The following KCNH7 variants were observed in gnomAD, a reference collection of about 807,000 sequenced individuals.
KCNH7 encodes the protein potassium voltage-gated channel subfamily H member 7, also known as voltage-gated inwardly rectifying potassium channel KCNH7.
KCNH7 carries 49 observed loss-of-function variants against 120.8 expected under a neutral mutation model. That is an observed-to-expected ratio of 0.41 (90% confidence interval 0.32 to 0.51). The LOEUF (loss-of-function observed/expected upper bound fraction) is 0.51. Ranked by LOEUF, KCNH7 falls within the 20% of genes least tolerant of loss-of-function variation. KCNH7 has a pLI of 0.38. For synonymous variants in KCNH7, 547 were observed against 516.1 expected (o/e 1.06, Z -0.81); for missense variants, 1,097 against 1,446.6 (o/e 0.76, Z 3.92).
In KCNH7 at chr2:162,838,562, G is replaced by C. The variant is rs1037454725; in HGVS notation, c.-44C>G. The stretch of plus-strand genomic sequence containing the variant: ...AGGAGCGCTCCCCCGGAGCTCTGGA[G>C]TTCTCCCGGGATCTCTCCTCGGCTA... On this transcript the variant is annotated 5_prime_UTR_variant, in exon 1 of 16. Coordinates refer to ENST00000332142, the MANE Select transcript of KCNH7 (RefSeq NM_033272.4). The C allele has an allele frequency of 7.9e-6, 12 of 1,512,566 alleles. No homozygotes were observed. The highest frequency in any genetic ancestry group is 2.7e-5 in the African/African-American group (2 of 73,070). The allele number at this position is 1,512,566 out of a possible 1,614,324, so 93.7% of individuals were successfully genotyped here. A position where few individuals can be genotyped will look rare whatever the true frequency, so the allele number is the denominator to read the frequency against.
chr2:162,603,935 T>G (rs1361616746), intron 2 of KCNH7, among the ~76,000 whole-genome samples: 1 of 152,126 alleles, frequency 6.6e-6, no homozygotes, highest in Non-Finnish European at 1.5e-5. Context: ...TACCTAATTG[T>G]GTTTAAATAT....
At chr2:162,792,330 T>A (rs1429344998) in intron 2 of KCNH7, among the ~76,000 whole-genome samples, 6 of 152,032 alleles carry the variant, frequency 3.9e-5, no homozygotes, top group Non-Finnish European at 7.4e-5. Flanking sequence ...TCCTCCTCAA[T>A]TTTTTTGGAA....
intron 2 of KCNH7, among the ~76,000 whole-genome samples, chr2:162,679,310 T>A (rs978888740): frequency 6.6e-6 from 1 of 151,690 alleles, no homozygotes; most frequent in Non-Finnish European, 1.5e-5. Context: ...AATTTTAATA[T>A]TCTAATATTT....
Position 162,561,526 on chromosome 2 carries a change from C to T in KCNH7, c.308-24446G>A, listed in dbSNP as rs184878113. Among the ~76,000 whole-genome samples, 172 of 152,292 alleles carry T rather than the reference C, an allele frequency of 1.1e-3. 2 individuals are homozygous for T. Among genetic ancestry groups the T allele is most frequent in the African/African-American group, 4.0e-3 (167 of 41,562 alleles). ...TCCCACCAACAGTGTAAAAGCATTC[C>T]TATTTCTCCACATCCTCTCCAGCAT... On this transcript the variant is annotated intron_variant, in intron 2 of 15. Transcript: ENST00000332142.
In KCNH7 at chr2:162,469,755, G is replaced by A. The variant is rs150940620; in HGVS notation, c.1129-23312C>T. Among the ~76,000 whole-genome samples, 726 of 148,774 alleles carry A rather than the reference G, an allele frequency of 4.9e-3. 4 individuals are homozygous for A. Among genetic ancestry groups the A allele is most frequent in the African/African-American group, 0.017 (672 of 40,274 alleles). ...CTTTCCATGGTCTCCCTCTGATGCC[G>A]AGCTGAAGCTGGACTGTGCTGCCGC... is the stretch of plus-strand genomic sequence containing the variant. On this transcript the variant is annotated intron_variant, in intron 6 of 15. Coordinates refer to ENST00000332142, the MANE Select transcript of KCNH7 (RefSeq NM_033272.4).
intron 2 of KCNH7, among the ~76,000 whole-genome samples, chr2:162,785,943 G>A (rs767323868): frequency 1.3e-5 from 2 of 152,014 alleles, no homozygotes; most frequent in African/African-American, 2.4e-5. Flanking sequence ...ACAAACTTGA[G>A]TTAAAACTAG....
chr2:162,595,897 G>A (rs1303492996), intron 2 of KCNH7, among the ~76,000 whole-genome samples: 1 of 151,118 alleles, frequency 6.6e-6, no homozygotes, highest in East Asian at 1.9e-4. Context: ...TAAATCAATA[G>A]CATTTTTATA....
intron 9 of KCNH7, among the ~76,000 whole-genome samples, chr2:162,419,611 T>A (rs1481447869): frequency 6.6e-6 from 1 of 152,026 alleles, no homozygotes; most frequent in Non-Finnish European, 1.5e-5. Flanking sequence ...GGGGAGGAGG[T>A]GCTATTTTCA....
At chr2:162,667,616 C>A (rs1685186652) in intron 2 of KCNH7, among the ~76,000 whole-genome samples, 1 of 152,120 alleles carries the variant, frequency 6.6e-6, no homozygotes, top group Admixed American at 6.5e-5. Flanking sequence ...GTTTGGAATA[C>A]CCTTCCCCTT....
At chr2:162,741,751 C>T (rs1180189427) in intron 2 of KCNH7, among the ~76,000 whole-genome samples, 2 of 152,074 alleles carry the variant, frequency 1.3e-5, no homozygotes, top group Admixed American at 6.6e-5. Flanking sequence ...CTGTATTTCT[C>T]AAGGCACTTT....
At chr2:162,686,698 G>T (rs997629173) in intron 2 of KCNH7, among the ~76,000 whole-genome samples, 1 of 152,078 alleles carries the variant, frequency 6.6e-6, no homozygotes, top group African/African-American at 2.4e-5. Flanking sequence ...AATCCTTTCT[G>T]TAATTGTGTA....
chr2:162,394,297 T>C, intron 12 of KCNH7, 92 bp downstream of exon 12: 4 of 778,584 alleles, frequency 5.1e-6, no homozygotes, highest in South Asian at 1.5e-5. Flanking sequence ...GAGTAAAATA[T>C]ACTCTTGAAG....
chr2:162,642,996 TA>T (rs1684220195), intron 2 of KCNH7, among the ~76,000 whole-genome samples: 1 of 152,202 alleles, frequency 6.6e-6, no homozygotes, highest in African/African-American at 2.4e-5. Context: ...ATTTTAAGAA[TA>T]TTTTATGGAG....
At chr2:162,787,009 G>A (rs1683733099) in intron 2 of KCNH7, among the ~76,000 whole-genome samples, 1 of 152,204 alleles carries the variant, frequency 6.6e-6, no homozygotes, top group Admixed American at 6.5e-5. Context: ...ACAACATGGA[G>A]AATGATACCT....
At chr2:162,419,300 A>T (rs2105481679) in intron 9 of KCNH7, among the ~76,000 whole-genome samples, 1 of 148,568 alleles carries the variant, frequency 6.7e-6, no homozygotes, top group African/African-American at 2.5e-5. Context: ...AAAAAAAAGC[A>T]ACTATTCCCT....
rs189168628 is a variant in KCNH7 at position 162,562,066 on chromosome 2, C to G, written c.308-24986G>C. ...CACACACCGGGGCCTGTTGGGTGGT[C>G]GGGGGCTAGGGGACGGATAGCATTA... On this transcript the variant is annotated intron_variant, in intron 2 of 15. Coordinates refer to ENST00000332142, the MANE Select transcript of KCNH7 (RefSeq NM_033272.4). 3.0e-4 allele frequency among the ~76,000 whole-genome samples: 46 copies of G among 151,940 alleles called. No homozygotes were observed. In the East Asian group the frequency reaches 7.4e-3, roughly 24 times the overall value.
chr2:162,729,118 T>A (rs143203026), intron 2 of KCNH7, among the ~76,000 whole-genome samples: 50 of 152,034 alleles, frequency 3.3e-4, no homozygotes, highest in African/African-American at 1.1e-3. Context: ...GACTCTATAC[T>A]GTTTCATCGA....
At chr2:162,824,781 T>G (rs1375671306) in intron 2 of KCNH7, among the ~76,000 whole-genome samples, 2 of 152,052 alleles carry the variant, frequency 1.3e-5, no homozygotes, top group Non-Finnish European at 2.9e-5. Flanking sequence ...TCCTAGAAGA[T>G]TGTTTATTTA....
intron 2 of KCNH7, among the ~76,000 whole-genome samples, chr2:162,783,772 C>A (rs1683596010): frequency 6.6e-6 from 1 of 152,096 alleles, no homozygotes; most frequent in South Asian, 2.1e-4. Context: ...ATGATGAATA[C>A]AAAAAGATGT....
Sources: gnomAD v4.1 joint callset for allele counts (sites outside exome capture counted in the v4.1 genomes callset) on GRCh38, gnomAD v4.1.1 for gene constraint, MANE v1.5 for transcripts, NCBI Gene and HGNC (gene_info 2026-07-23, HGNC 2026-07-21) for gene names.